The following GMDS variants were observed in gnomAD, a reference collection of about 807,000 sequenced individuals.
GMDS encodes GDP-mannose 4,6 dehydratase.
Under a neutral mutation model 49.9 loss-of-function variants are expected in GMDS, and 20 were observed. The observed-to-expected ratio is 0.40, with a 90% CI of 0.28 to 0.58. GMDS has a LOEUF of 0.58. Ranked by LOEUF, GMDS falls within the 20% of genes least tolerant of loss-of-function variation. The pLI is 0.42. For synonymous variants in GMDS, 177 were observed against 178.6 expected (o/e 0.99, Z 0.07); for missense variants, 362 against 481.4 (o/e 0.75, Z 2.32).
chr6:2,201,287 A>C (rs1162144288), intron 1 of GMDS, among the ~76,000 whole-genome samples: 2 of 86,922 alleles, frequency 2.3e-5, no homozygotes, highest in Non-Finnish European at 2.3e-5. Flanking sequence ...TGAAGACAGA[A>C]CACCACATGC....
At chr6:2,004,760 CAAA>C (rs1385053431) in intron 4 of GMDS, among the ~76,000 whole-genome samples, 1 of 152,086 alleles carries the variant, frequency 6.6e-6, no homozygotes, top group Non-Finnish European at 1.5e-5. Context: ...CAGAAGTGAT[CAAA>C]ATAAGGATTG....
chr6:2,008,722 A>G (rs1452880189), intron 4 of GMDS, among the ~76,000 whole-genome samples: 2 of 152,254 alleles, frequency 1.3e-5, no homozygotes, highest in East Asian at 3.8e-4. Flanking sequence ...TATATCTTAA[A>G]TGAATCTCAG....
intron 8 of GMDS, among the ~76,000 whole-genome samples, chr6:1,731,151 C>T (rs7772825): frequency 0.66 from 100,057 of 152,038 alleles, 34,241 homozygotes; most frequent in East Asian, 0.88. Flanking sequence ...GAGATGATTT[C>T]GAAGATACAG....
intron 4 of GMDS, among the ~76,000 whole-genome samples, chr6:2,086,813 T>C (rs917487533): frequency 5.3e-5 from 8 of 152,314 alleles, no homozygotes; most frequent in African/African-American, 1.9e-4. Context: ...TGACGAAGAA[T>C]GTTCAGGCCG....
At chr6:1,644,257 G>A (rs1561694776) in intron 9 of GMDS, among the ~76,000 whole-genome samples, 1 of 152,206 alleles carries the variant, frequency 6.6e-6, no homozygotes, top group Admixed American at 6.5e-5. Context: ...ACGTGTGAAC[G>A]ATAGCGGATG....
At chr6:1,828,869 T>C (rs1561831901) in intron 7 of GMDS, among the ~76,000 whole-genome samples, 1 of 152,158 alleles carries the variant, frequency 6.6e-6, no homozygotes, top group African/African-American at 2.4e-5. Flanking sequence ...CCCTGCACTG[T>C]AAAAAAATTA....
intron 4 of GMDS, among the ~76,000 whole-genome samples, chr6:1,978,789 C>T (rs1432537972): frequency 6.6e-6 from 1 of 152,112 alleles, no homozygotes; most frequent in African/African-American, 2.4e-5. Context: ...GATCTTGTTC[C>T]TCCTGAGTGG....
chr6:2,051,680 T>C (rs1324473591), intron 4 of GMDS, among the ~76,000 whole-genome samples: 1 of 152,212 alleles, frequency 6.6e-6, no homozygotes, highest in East Asian at 1.9e-4. Context: ...CCTATTTTTG[T>C]ATTCTTTGGA....
At chr6:1,984,511 A>G (rs1177485066) in intron 4 of GMDS, among the ~76,000 whole-genome samples, 1 of 152,074 alleles carries the variant, frequency 6.6e-6, no homozygotes. Flanking sequence ...GCATCACTGA[A>G]TATCCAGGCC....
chr6:1,624,574 G>A (rs779418122), intron 9 of GMDS, 34 bp from the exon 10 acceptor site: 1 of 1,486,618 alleles, frequency 6.7e-7, no homozygotes, highest in Non-Finnish European at 9.4e-7. Flanking sequence ...AAGCAGGCGT[G>A]GGTCGTGGGG....
intron 7 of GMDS, among the ~76,000 whole-genome samples, chr6:1,860,711 G>A (rs1758142423): frequency 1.3e-5 from 2 of 152,210 alleles, no homozygotes; most frequent in Admixed American, 1.3e-4. Context: ...TTCTCACATT[G>A]TCAACCGTGA....
At position 2,136,350 on chromosome 6, in the gene GMDS, T is replaced by C. The variant is rs115756779; in HGVS notation, c.103-11619A>G. ...ACTTAAAAGTTTTCTCATAACGAAA[T>C]TGAGTATCCAAAAAATCATTTTCCT... On this transcript the variant is annotated intron_variant, in intron 1 of 10. Coordinates refer to ENST00000380815, the MANE Select transcript of GMDS (RefSeq NM_001500.4). Among the ~76,000 whole-genome samples, 869 of 152,332 alleles carry C rather than the reference T, an allele frequency of 5.7e-3. 2 individuals are homozygous for C. The highest frequency in any genetic ancestry group is 0.017 in the Middle Eastern group (5 of 294).
chr6:1,975,084 A>T (rs1764825401), intron 4 of GMDS, among the ~76,000 whole-genome samples: 1 of 152,000 alleles, frequency 6.6e-6, no homozygotes, highest in Non-Finnish European at 1.5e-5. Flanking sequence ...CACACTGCAG[A>T]TGAACTCAAA....
Position 1,640,857 on chromosome 6 carries a change from G to A in GMDS, c.988-16317C>T, listed in dbSNP as rs1481345168. ...GCCAACACGGTACTGTTTAGGCAGA[G>A]TTATGATTGACAGTGGGGGCTGCCC... On this transcript the variant is annotated intron_variant, in intron 9 of 10. Transcript: ENST00000380815. The surrounding 1 kb of genome is among the most constrained non-coding windows in gnomAD (Gnocchi z 4.0). Among the ~76,000 whole-genome samples the A allele has an allele frequency of 6.6e-6, 1 of 152,210 alleles. No individual in the cohort carries two copies. Among genetic ancestry groups the A allele is most frequent in the Non-Finnish European group, 1.5e-5 (1 of 68,032 alleles).
intron 1 of GMDS, among the ~76,000 whole-genome samples, chr6:2,235,126 AAAAAAAAC>A (rs969253402): frequency 3.8e-4 from 57 of 151,994 alleles, no homozygotes; most frequent in Non-Finnish European, 7.4e-4. Context: ...ACTCCATCTC[AAAAAAAAC>A]AAAAAAACAA....
chr6:2,105,599 C>A (rs1774198128), intron 4 of GMDS, among the ~76,000 whole-genome samples: 1 of 152,190 alleles, frequency 6.6e-6, no homozygotes, highest in Non-Finnish European at 1.5e-5. Flanking sequence ...TGGTTATTTA[C>A]CATCAGTACT....
rs113538050 is a variant in GMDS at position 2,044,424 on chromosome 6, A to T, written c.345+71347T>A. On this transcript the variant is annotated intron_variant, in intron 4 of 10. Coordinates refer to ENST00000380815, the MANE Select transcript of GMDS (RefSeq NM_001500.4). ...ATATTCTTGGTGGGGACATGGATGGAGCTGAAGGCCATTATCCTTAGCAAA... is the reference window on the plus strand; with the variant it reads ...ATATTCTTGGTGGGGACATGGATGGTGCTGAAGGCCATTATCCTTAGCAAA... Among the ~76,000 whole-genome samples the T allele has an allele frequency of 1.4e-4, 21 of 152,292 alleles. 1 individual carries two copies. Among genetic ancestry groups the T allele is most frequent in the African/African-American group, 4.8e-4 (20 of 41,566 alleles).
At chr6:1,707,895 C>T (rs967249294) in intron 9 of GMDS, among the ~76,000 whole-genome samples, 27 of 152,268 alleles carry the variant, frequency 1.8e-4, no homozygotes, top group African/African-American at 4.1e-4. Flanking sequence ...CTGGGGCCCT[C>T]GTATCATTTA....
At chr6:1,962,939 C>T (rs1211829236) in intron 4 of GMDS, among the ~76,000 whole-genome samples, 3 of 145,096 alleles carry the variant, frequency 2.1e-5, no homozygotes, top group African/African-American at 2.6e-5. Flanking sequence ...TGCAATGGCG[C>T]GATCTGGACT....
Sources: allele counts gnomAD v4.1 joint callset (sites outside exome capture counted in the v4.1 genomes callset), GRCh38; gene constraint gnomAD v4.1.1; non-coding constraint Gnocchi (gnomAD v3.1); transcripts MANE v1.5; gene names NCBI Gene and HGNC (gene_info 2026-07-23, HGNC 2026-07-21).